The following KCND3 variants were observed in gnomAD, a reference collection of about 807,000 sequenced individuals.
KCND3 encodes potassium voltage-gated channel subfamily D member 3, also known as A-type voltage-gated potassium channel KCND3.
In KCND3, 9 loss-of-function variants were observed where a neutral mutation model predicts 51.1. The observed-to-expected ratio is 0.18, with a 90% CI of 0.11 to 0.31. KCND3 has a LOEUF of 0.31. Ranked by LOEUF, KCND3 falls within the 10% of genes least tolerant of loss-of-function variation. KCND3 has a pLI of 1.00. For missense variants in KCND3, 526 were observed against 903.8 expected (o/e 0.58, Z 5.36); for synonymous variants, 349 against 368.0 (o/e 0.95, Z 0.59).
intron 2 of KCND3, among the ~76,000 whole-genome samples, chr1:111,849,689 G>C (rs1459853622): frequency 6.6e-6 from 1 of 152,188 alleles, no homozygotes; most frequent in Non-Finnish European, 1.5e-5. Context: ...TATCTGTCGG[G>C]GTGGAGGGAA....
Position 111,780,546 on chromosome 1 carries a change from G to C in KCND3, c.1371+144C>G, listed in dbSNP as rs1351394807. ...CTATGGAAGTGGTGTGTGAATGGGG[G>C]GCTGCTACCTGGGGAAAGTTTGGAA... is the stretch of plus-strand genomic sequence containing the variant. On this transcript the variant is annotated intron_variant, in intron 4 of 7. Coordinates refer to ENST00000302127, the MANE Select transcript of KCND3 (RefSeq NM_001378969.1). This position sits in a 1 kb window ranked among gnomAD's most constrained non-coding sequence, Gnocchi z 4.2. 1.2e-6 allele frequency: 1 copy of C among 829,386 alleles called. No individual in the cohort carries two copies. The highest frequency in any genetic ancestry group is 2.0e-6 in the Non-Finnish European group (1 of 498,056). The allele number at this position is 829,386 out of a possible 1,614,324, so 51.4% of individuals were successfully genotyped here.
intron 2 of KCND3, among the ~76,000 whole-genome samples, chr1:111,946,264 T>TG (rs1320200324): frequency 6.6e-6 from 1 of 152,148 alleles, no homozygotes; most frequent in Non-Finnish European, 1.5e-5. Context: ...GGAAAGAGTT[T>TG]GGGGAAGGCC....
At position 111,864,523 on chromosome 1, in the gene KCND3, C is replaced by T. The variant is rs567943573; in HGVS notation, c.1107-77417G>A. On this transcript the variant is annotated intron_variant, in intron 2 of 7. Transcript: ENST00000302127. ...TCTGGCTTCTTAAGGGCTGTAGTGC[C>T]ATTAACACAGATGAGCAAACAAAGG... Among the ~76,000 whole-genome samples, 26 of 152,294 alleles carry T rather than the reference C, an allele frequency of 1.7e-4. 1 individual carries two copies. In the South Asian group the frequency reaches 5.2e-3, roughly 30 times the overall value.
rs149989358 is a variant in KCND3 at position 111,876,519 on chromosome 1, C to A, written c.1107-89413G>T. On this transcript the variant is annotated intron_variant, in intron 2 of 7. Transcript: ENST00000302127. Reference sequence around the variant, plus strand: ...GACACCTCTGCTTCCAGGCTGCCTACCCTGACTTCAGCCAGTGGGCGGCCA... The same window carrying A: ...GACACCTCTGCTTCCAGGCTGCCTAACCTGACTTCAGCCAGTGGGCGGCCA... 7.2e-5 allele frequency among the ~76,000 whole-genome samples: 11 copies of A among 152,310 alleles called. No individual in the cohort carries two copies. In the East Asian group the frequency reaches 2.1e-3, roughly 29 times the overall value.
chr1:111,776,532 T>G (rs1298497112), intron 7 of KCND3, among the ~76,000 whole-genome samples: 1 of 152,182 alleles, frequency 6.6e-6, no homozygotes, highest in Non-Finnish European at 1.5e-5. Context: ...ATATCTATCA[T>G]TTGTGGCATT....
chr1:111,829,931 G>A (rs950007038), intron 2 of KCND3, among the ~76,000 whole-genome samples: 13 of 152,110 alleles, frequency 8.5e-5, no homozygotes, highest in South Asian at 2.1e-4. Flanking sequence ...TTAGTGTTGC[G>A]TTGACCCTCT....
intron 7 of KCND3, 91 bp from the exon 8 acceptor site, chr1:111,776,369 TAGG>T (rs1442850309): frequency 2.1e-5 from 25 of 1,176,936 alleles, no homozygotes; most frequent in Non-Finnish European, 2.9e-5. Flanking sequence ...TCGTGGTAAC[TAGG>T]AGGATATTTT....
intron 2 of KCND3, among the ~76,000 whole-genome samples, chr1:111,854,661 A>T (rs1667980293): frequency 6.6e-6 from 1 of 152,234 alleles, no homozygotes; most frequent in South Asian, 2.1e-4. Context: ...TCTTTGTGAC[A>T]CACACACATC....
intron 2 of KCND3, among the ~76,000 whole-genome samples, chr1:111,952,103 T>C (rs1035587364): frequency 2.0e-5 from 3 of 152,206 alleles, no homozygotes; most frequent in Non-Finnish European, 4.4e-5. Flanking sequence ...CTTCTGGGAA[T>C]GTGGTTTGGT....
intron 2 of KCND3, among the ~76,000 whole-genome samples, chr1:111,979,997 G>T (rs1482955405): frequency 6.6e-6 from 1 of 152,134 alleles, no homozygotes; most frequent in African/African-American, 2.4e-5. Flanking sequence ...GGCCATGGGT[G>T]AGGTCCCCTT....
chr1:111,851,007 C>T (rs1432621931), intron 2 of KCND3, among the ~76,000 whole-genome samples: 1 of 152,200 alleles, frequency 6.6e-6, no homozygotes, highest in Non-Finnish European at 1.5e-5. Context: ...TACTGTGCAG[C>T]TGTTTAGGTC....
At chr1:111,814,452 C>A (rs1289211756) in intron 2 of KCND3, among the ~76,000 whole-genome samples, 3 of 152,230 alleles carry the variant, frequency 2.0e-5, no homozygotes, top group Admixed American at 2.0e-4. Flanking sequence ...CACCTGTGAA[C>A]AAGACCTGGG....
At chr1:111,959,553 G>C (rs1015223845) in intron 2 of KCND3, among the ~76,000 whole-genome samples, 2 of 152,160 alleles carry the variant, frequency 1.3e-5, no homozygotes, top group African/African-American at 4.8e-5. Flanking sequence ...CTAAACTGTA[G>C]ACGCTTTAAC....
intron 2 of KCND3, among the ~76,000 whole-genome samples, chr1:111,913,916 AAAAC>A (rs1261753517): frequency 6.6e-6 from 1 of 151,974 alleles, no homozygotes; most frequent in Non-Finnish European, 1.5e-5. Flanking sequence ...ACAAGAAACA[AAAAC>A]AAACCCCACA....
intron 1 of KCND3, among the ~76,000 whole-genome samples, chr1:111,983,872 G>T (rs563943176): frequency 6.6e-6 from 1 of 152,192 alleles, no homozygotes; most frequent in African/African-American, 2.4e-5. Flanking sequence ...ATGGCACGGA[G>T]AATTATATTT....
At chr1:111,807,756 T>C (rs974508891) in intron 2 of KCND3, among the ~76,000 whole-genome samples, 1 of 152,222 alleles carries the variant, frequency 6.6e-6, no homozygotes, top group East Asian at 1.9e-4. Flanking sequence ...TGGAGTGTAG[T>C]AGGCTATATC....
chr1:111,942,920 G>A (rs1052065174), intron 2 of KCND3, among the ~76,000 whole-genome samples: 1 of 152,184 alleles, frequency 6.6e-6, no homozygotes, highest in Non-Finnish European at 1.5e-5. Context: ...AAGTGGAAAT[G>A]TTCTTAAGCA....
At chr1:111,832,919 A>G (rs1666905636) in intron 2 of KCND3, among the ~76,000 whole-genome samples, 1 of 152,202 alleles carries the variant, frequency 6.6e-6, no homozygotes, top group South Asian at 2.1e-4. Context: ...ACCACCAGCA[A>G]ACAGACATCA....
chr1:111,841,349 C>T (rs550156644), intron 2 of KCND3, among the ~76,000 whole-genome samples: 3 of 152,324 alleles, frequency 2.0e-5, no homozygotes, highest in East Asian at 1.9e-4. Flanking sequence ...TTCAGGCCTG[C>T]GTTCCATCCA....
Sources: allele counts gnomAD v4.1 joint callset (sites outside exome capture counted in the v4.1 genomes callset), GRCh38; gene constraint gnomAD v4.1.1; non-coding constraint Gnocchi (gnomAD v3.1); transcripts MANE v1.5; gene names NCBI Gene and HGNC (gene_info 2026-07-23, HGNC 2026-07-21).